The following SLC44A5 variants were observed in gnomAD, a reference collection of about 807,000 sequenced individuals.
The protein encoded by SLC44A5 is solute carrier family 44 member 5.
Under a neutral mutation model 101.8 loss-of-function variants are expected in SLC44A5, and 57 were observed. The observed-to-expected ratio is 0.56, with a 90% CI of 0.45 to 0.70. The LOEUF is 0.70. SLC44A5 is among the 30% of genes least tolerant of loss of function. SLC44A5 has a pLI of 0.00. For missense variants in SLC44A5, 737 were observed against 853.1 expected, an observed-to-expected ratio of 0.86 and a Z score of 1.70; for synonymous variants, 281 against 290.9, an observed-to-expected ratio of 0.97 and a Z score of 0.35.
chr1:75,661,894 G>T, the SLC44A5 span, among the ~76,000 whole-genome samples: 2 of 152,036 alleles, frequency 1.3e-5, no homozygotes, highest in Admixed American at 6.6e-5. Flanking sequence ...GTGCATGGTT[G>T]GTAGAAATGT....
chr1:75,351,766 G>T (rs1009283017), intron 3 of SLC44A5, among the ~76,000 whole-genome samples: 1 of 136,548 alleles, frequency 7.3e-6, no homozygotes, highest in African/African-American at 2.7e-5. Flanking sequence ...TTCCATTCCA[G>T]TCTTTGAGAT....
chr1:75,311,693 T>C (rs1214259972), intron 4 of SLC44A5: 1 of 292,266 alleles, frequency 3.4e-6, no homozygotes, highest in Non-Finnish European at 5.1e-6. Context: ...TCTCACGGAG[T>C]TCCCAGTTTA....
chr1:75,697,844 C>A, the SLC44A5 span, among the ~76,000 whole-genome samples: 1 of 152,254 alleles, frequency 6.6e-6, no homozygotes, highest in South Asian at 2.1e-4. Context: ...ACTCAGGAAG[C>A]GCAAGGGGTC....
chr1:75,444,580 GT>G (rs1444677681), intron 2 of SLC44A5, among the ~76,000 whole-genome samples: 2,875 of 147,470 alleles, frequency 0.019, 100 homozygotes, highest in African/African-American at 0.067. Context: ...TTTTTGCTTT[GT>G]TTTTTTTTTA....
intron 2 of SLC44A5, among the ~76,000 whole-genome samples, chr1:75,520,781 T>C (rs1670075309): frequency 6.6e-6 from 1 of 152,180 alleles, no homozygotes; most frequent in Admixed American, 6.5e-5. Flanking sequence ...AGTATGCTTG[T>C]AAGAAAATAG....
intron 2 of SLC44A5, among the ~76,000 whole-genome samples, chr1:75,483,503 GC>G (rs1248157729): frequency 6.6e-6 from 1 of 152,012 alleles, no homozygotes; most frequent in Non-Finnish European, 1.5e-5. Context: ...CCAAATGGGG[GC>G]AAAAATGAGA....
intron 2 of SLC44A5, among the ~76,000 whole-genome samples, chr1:75,492,242 G>T (rs1668463461): frequency 6.6e-6 from 1 of 152,092 alleles, no homozygotes; most frequent in Admixed American, 6.6e-5. Flanking sequence ...CATTTCAAAG[G>T]TCATTCTCTA....
intron 2 of SLC44A5, among the ~76,000 whole-genome samples, chr1:75,403,678 A>C (rs1346623283): frequency 6.6e-6 from 1 of 152,190 alleles, no homozygotes; most frequent in Non-Finnish European, 1.5e-5. Flanking sequence ...TGCCCACACA[A>C]AAACCCATCT....
intron 2 of SLC44A5, among the ~76,000 whole-genome samples, chr1:75,537,228 C>T (rs1490112137): frequency 2.0e-5 from 3 of 151,688 alleles, no homozygotes; most frequent in African/African-American, 7.3e-5. Flanking sequence ...CAAATTGGTA[C>T]CATAATCTGG....
chr1:75,488,813 CA>C (rs1270335814), intron 2 of SLC44A5, among the ~76,000 whole-genome samples: 1 of 152,092 alleles, frequency 6.6e-6, no homozygotes, highest in Non-Finnish European at 1.5e-5. Context: ...GACATATATA[CA>C]ACTTGCTAAA....
intron 2 of SLC44A5, among the ~76,000 whole-genome samples, chr1:75,400,626 C>G (rs1250377732): frequency 3.9e-5 from 6 of 152,152 alleles, no homozygotes; most frequent in East Asian, 3.9e-4. Flanking sequence ...TCCCTCACCC[C>G]CTGTGTTGGG....
the SLC44A5 span, among the ~76,000 whole-genome samples, chr1:75,682,020 T>C: frequency 1.3e-5 from 2 of 151,984 alleles, no homozygotes; most frequent in Non-Finnish European, 2.9e-5. Context: ...TCAAAGAGAA[T>C]AAAATACCTA....
the SLC44A5 span, among the ~76,000 whole-genome samples, chr1:75,667,515 A>C: frequency 6.6e-6 from 1 of 152,240 alleles, no homozygotes; most frequent in South Asian, 2.1e-4. Flanking sequence ...AAAGTAATTT[A>C]TAGATTCAAT....
intron 2 of SLC44A5, among the ~76,000 whole-genome samples, chr1:75,480,748 A>C (rs548279966): frequency 2.0e-5 from 3 of 152,248 alleles, no homozygotes; most frequent in African/African-American, 7.2e-5. Flanking sequence ...TCAATGAAAT[A>C]AAAGAGGATA....
At chr1:75,293,662 C>T (rs1237273593) in intron 5 of SLC44A5, among the ~76,000 whole-genome samples, 4 of 152,152 alleles carry the variant, frequency 2.6e-5, no homozygotes, top group Non-Finnish European at 5.9e-5. Context: ...GGAAGCAGTC[C>T]TGTATCTTGT....
intron 2 of SLC44A5, among the ~76,000 whole-genome samples, chr1:75,419,001 G>A (rs1267329174): frequency 3.3e-5 from 5 of 152,138 alleles, no homozygotes; most frequent in Non-Finnish European, 7.3e-5. Flanking sequence ...TGGAAGTAGT[G>A]TCCAGGCCAA....
chr1:75,280,458 A>ATATT (rs1652427960), intron 5 of SLC44A5, among the ~76,000 whole-genome samples: 4 of 99,976 alleles, frequency 4.0e-5, no homozygotes, highest in African/African-American at 1.6e-4. Flanking sequence ...TATTATATAT[A>ATATT]GTATATATAA....
intron 23 of SLC44A5, chr1:75,206,405 G>A (rs1258442617): frequency 2.2e-6 from 1 of 456,014 alleles, no homozygotes; most frequent in Non-Finnish European, 3.9e-6. Flanking sequence ...TTAACATTTT[G>A]ATCTTTAGCT....
chr1:75,694,374 G>A, the SLC44A5 span, among the ~76,000 whole-genome samples: 3 of 151,894 alleles, frequency 2.0e-5, no homozygotes, highest in African/African-American at 7.3e-5. Flanking sequence ...AATCTCCTGA[G>A]TTATACAACT....
Sources: allele counts gnomAD v4.1 joint callset (sites outside exome capture counted in the v4.1 genomes callset), GRCh38; gene constraint gnomAD v4.1.1; transcripts MANE v1.5; gene names NCBI Gene and HGNC (gene_info 2026-07-23, HGNC 2026-07-21).